The following SUGCT variants were observed in gnomAD, a reference collection of about 807,000 sequenced individuals.
SUGCT encodes the protein succinyl-CoA:glutarate CoA-transferase.
In SUGCT, 41 loss-of-function variants were observed where a neutral mutation model predicts 55.0. The ratio of observed to expected loss-of-function variants is 0.74; its 90% CI spans 0.58 to 0.97. The LOEUF is 0.97. Among genes scored for constraint, SUGCT ranks in the 50% least tolerant of loss-of-function variants. The pLI is 0.00. For synonymous variants in SUGCT, 187 were observed against 200.4 expected (o/e 0.93, Z 0.56); for missense variants, 568 against 547.8 (o/e 1.04, Z -0.37).
chr7:40,833,375 G>T (rs1208269258), intron 13 of SUGCT, among the ~76,000 whole-genome samples: 1 of 151,996 alleles, frequency 6.6e-6, no homozygotes, highest in Non-Finnish European at 1.5e-5. Context: ...AGTTCCTTAC[G>T]TGGAAAGTAA....
intron 6 of SUGCT, among the ~76,000 whole-genome samples, chr7:40,219,190 A>G (rs1787881720): frequency 6.6e-6 from 1 of 152,174 alleles, no homozygotes; most frequent in Non-Finnish European, 1.5e-5. Flanking sequence ...CAGCGAGACC[A>G]GGATCCCACC....
chr7:40,386,622 G>C (rs535635196), intron 9 of SUGCT, among the ~76,000 whole-genome samples: 1 of 152,256 alleles, frequency 6.6e-6, no homozygotes, highest in Admixed American at 6.5e-5. Flanking sequence ...TGACAACTGA[G>C]AAAAAGCCTT....
chr7:40,957,816 A>G, the SUGCT span, among the ~76,000 whole-genome samples: 9 of 151,976 alleles, frequency 5.9e-5, no homozygotes, highest in East Asian at 1.7e-3. Context: ...TTTCCTTTCC[A>G]TATTTAGTGC....
At chr7:40,242,855 C>T (rs1254299833) in intron 7 of SUGCT, among the ~76,000 whole-genome samples, 1 of 125,394 alleles carries the variant, frequency 8.0e-6, no homozygotes, top group Non-Finnish European at 1.6e-5. Flanking sequence ...CCTTAGTAAA[C>T]AATTATGTTG....
chr7:40,279,321 C>T (rs563818662), intron 8 of SUGCT, among the ~76,000 whole-genome samples: 12 of 152,224 alleles, frequency 7.9e-5, no homozygotes, highest in African/African-American at 2.6e-4. Context: ...ATAGAATACA[C>T]TGAGTGGCAT....
chr7:40,994,643 G>T, the SUGCT span, among the ~76,000 whole-genome samples: 1 of 152,180 alleles, frequency 6.6e-6, no homozygotes, highest in Non-Finnish European at 1.5e-5. Context: ...AGTCCATGTG[G>T]TCTGCTAAAA....
chr7:40,357,605 G>T (rs568136091), intron 9 of SUGCT, among the ~76,000 whole-genome samples: 2 of 152,308 alleles, frequency 1.3e-5, no homozygotes, highest in South Asian at 4.1e-4. Context: ...AGCCATAGAT[G>T]TAAACAGAGG....
At chr7:40,655,793 A>G (rs1256971717) in intron 12 of SUGCT, among the ~76,000 whole-genome samples, 1 of 152,214 alleles carries the variant, frequency 6.6e-6, no homozygotes, top group African/African-American at 2.4e-5. Context: ...AACCACAACA[A>G]TAAACTTTTT....
At chr7:40,562,364 C>G (rs1795889798) in intron 12 of SUGCT, among the ~76,000 whole-genome samples, 1 of 151,006 alleles carries the variant, frequency 6.6e-6, no homozygotes, top group South Asian at 2.1e-4. Flanking sequence ...TCATTCCATG[C>G]TGAGTGACTG....
chr7:40,842,202 T>C (rs1009404912), intron 13 of SUGCT, among the ~76,000 whole-genome samples: 7 of 151,912 alleles, frequency 4.6e-5, no homozygotes, highest in African/African-American at 7.2e-5. Context: ...CAACACCCAC[T>C]ACCAAAGAGA....
intron 5 of SUGCT, among the ~76,000 whole-genome samples, chr7:40,191,793 C>T (rs1785923919): frequency 6.6e-6 from 1 of 152,086 alleles, no homozygotes; most frequent in African/African-American, 2.4e-5. Flanking sequence ...ATTTCTGGTA[C>T]AGATTTCTCT....
At chr7:40,844,355 A>T (rs1450105218) in intron 13 of SUGCT, among the ~76,000 whole-genome samples, 1 of 152,114 alleles carries the variant, frequency 6.6e-6, no homozygotes, top group African/African-American at 2.4e-5. Context: ...AGGCTGGTGT[A>T]TGCAGAGGAT....
chr7:40,412,909 T>C (rs915796307), intron 9 of SUGCT, among the ~76,000 whole-genome samples: 10 of 152,340 alleles, frequency 6.6e-5, no homozygotes, highest in African/African-American at 1.9e-4. Flanking sequence ...TTTTCTGCCA[T>C]ATTTATGTTA....
intron 11 of SUGCT, among the ~76,000 whole-genome samples, chr7:40,481,632 A>G (rs1273084579): frequency 6.6e-6 from 1 of 152,108 alleles, no homozygotes; most frequent in Non-Finnish European, 1.5e-5. Context: ...AAAATCATCA[A>G]AAAGATATAA....
chr7:40,937,829 C>A, the SUGCT span, among the ~76,000 whole-genome samples: 1 of 152,114 alleles, frequency 6.6e-6, no homozygotes, highest in African/African-American at 2.4e-5. Context: ...GGTCCCCAAC[C>A]TTTTTAGCAC....
chr7:40,835,904 T>TTTTTTTTTC, intron 13 of SUGCT, among the ~76,000 whole-genome samples: 1 of 146,672 alleles, frequency 6.8e-6, no homozygotes, highest in Non-Finnish European at 1.5e-5. Flanking sequence ...TTTTTTTTTT[T>TTTTTTTTTC]TTTGGTGAGA....
chr7:40,563,763 A>G lies in SUGCT; in HGVS notation c.1089+67377A>G, dbSNP rs758110857. Among the ~76,000 whole-genome samples the G allele has an allele frequency of 2.0e-3, 310 of 151,636 alleles. 5 individuals are homozygous for G. Among genetic ancestry groups the G allele is most frequent in the Non-Finnish European group, 2.1e-4 (14 of 67,926 alleles). On this transcript the variant is annotated intron_variant, in intron 12 of 13. Transcript: ENST00000335693. ...GTATTAATAATAATAAAAGGGGGGG[A>G]AAGCCTCTTATGGCTTTCTGCAATC...
intron 2 of SUGCT, among the ~76,000 whole-genome samples, chr7:40,181,321 T>C (rs1160349930): frequency 6.6e-6 from 1 of 152,172 alleles, no homozygotes; most frequent in Non-Finnish European, 1.5e-5. Context: ...AAAAGTGAAA[T>C]AGTAATTAAT....
chr7:41,032,342 T>C, the SUGCT span, among the ~76,000 whole-genome samples: 21 of 152,256 alleles, frequency 1.4e-4, no homozygotes, highest in African/African-American at 4.8e-4. Flanking sequence ...CATGTTTTTT[T>C]TTTTTTCTTT....
Sources: allele counts gnomAD v4.1 joint callset (sites outside exome capture counted in the v4.1 genomes callset), GRCh38; gene constraint gnomAD v4.1.1; transcripts MANE v1.5; gene names NCBI Gene and HGNC (gene_info 2026-07-23, HGNC 2026-07-21).